Variants in SHLD1 observed in about 807,000 individuals in gnomAD.
SHLD1 encodes the protein RINN1-REV7-interacting novel NHEJ regulator 3.
Under a neutral mutation model 5.5 loss-of-function variants are expected in SHLD1, and 3 were observed. The observed-to-expected ratio is 0.54, with a 90% CI of 0.25 to 1.40. The LOEUF (loss-of-function observed/expected upper bound fraction) is 1.40, where lower values mean the gene tolerates loss of function less well. Ranked by LOEUF, SHLD1 falls within the 40% of genes most tolerant of loss-of-function variation. The pLI is 0.15. For synonymous variants in SHLD1, 92 were observed against 94.3 expected, an observed-to-expected ratio of 0.98 and a Z score of 0.14; for missense variants, 210 against 244.4, an observed-to-expected ratio of 0.86 and a Z score of 0.94.
chr20:5,839,297 C>T (rs1015877671), intron 2 of SHLD1, among the ~76,000 whole-genome samples: 5 of 152,184 alleles, frequency 3.3e-5, no homozygotes, highest in Non-Finnish European at 7.3e-5. Context: ...ACACATTCTC[C>T]TTTGTGGGGA....
intron 2 of SHLD1, among the ~76,000 whole-genome samples, chr20:5,780,579 G>A (rs116851888): frequency 0.027 from 4,068 of 152,244 alleles, 83 homozygotes; most frequent in Middle Eastern, 0.044. Flanking sequence ...TTAGGATATA[G>A]CAAGGACCGC....
chr20:5,758,475 A>G (rs967358358), intron 1 of SHLD1, among the ~76,000 whole-genome samples: 3 of 151,098 alleles, frequency 2.0e-5, no homozygotes, highest in Non-Finnish European at 4.4e-5. Flanking sequence ...CTGGAGTGCA[A>G]TGGCACGATC....
chr20:5,762,273 A>AC (rs1476942564), intron 1 of SHLD1, among the ~76,000 whole-genome samples: 3 of 152,012 alleles, frequency 2.0e-5, no homozygotes, highest in African/African-American at 7.2e-5. Flanking sequence ...TTATTTATTG[A>AC]CACCAGTTTT....
At chr20:5,752,037 C>T (rs1325709411) in intron 1 of SHLD1, among the ~76,000 whole-genome samples, 1 of 152,080 alleles carries the variant, frequency 6.6e-6, no homozygotes, top group Non-Finnish European at 1.5e-5. Flanking sequence ...TTGTGTGGTT[C>T]AAGGTCCTTG....
chr20:5,838,438 G>A (rs2087815205), intron 2 of SHLD1, among the ~76,000 whole-genome samples: 1 of 152,156 alleles, frequency 6.6e-6, no homozygotes, highest in African/African-American at 2.4e-5. Flanking sequence ...ATATTATGTA[G>A]ATAAAAATAA....
intron 2 of SHLD1, among the ~76,000 whole-genome samples, chr20:5,803,300 C>T (rs1218585147): frequency 6.6e-6 from 1 of 152,080 alleles, no homozygotes; most frequent in African/African-American, 2.4e-5. Context: ...GTAGCTGGGA[C>T]TTGAGATGAG....
At chr20:5,822,016 A>T (rs1286954949) in intron 2 of SHLD1, among the ~76,000 whole-genome samples, 2 of 152,186 alleles carry the variant, frequency 1.3e-5, no homozygotes, top group African/African-American at 4.8e-5. Context: ...GAGTGCTAGG[A>T]GGTGAGGAGC....
chr20:5,777,200 G>A (rs1400567718), intron 2 of SHLD1, among the ~76,000 whole-genome samples: 1 of 152,090 alleles, frequency 6.6e-6, no homozygotes, highest in African/African-American at 2.4e-5. Context: ...TGTTGGCAAG[G>A]CTGGTCTTGA....
chr20:5,831,006 AAG>A (rs2087723198), intron 2 of SHLD1, among the ~76,000 whole-genome samples: 3 of 152,284 alleles, frequency 2.0e-5, no homozygotes, highest in East Asian at 3.9e-4. Flanking sequence ...ATTTAATAAA[AAG>A]TAAAAAAAAA....
intron 2 of SHLD1, among the ~76,000 whole-genome samples, chr20:5,823,460 T>A (rs1475201063): frequency 6.6e-6 from 1 of 151,630 alleles, no homozygotes; most frequent in Non-Finnish European, 1.5e-5. Flanking sequence ...TTGTTTTTTT[T>A]TTTTTGAGAT....
intron 2 of SHLD1, among the ~76,000 whole-genome samples, chr20:5,785,284 C>T (rs1307557399): frequency 1.3e-5 from 2 of 152,164 alleles, no homozygotes; most frequent in East Asian, 3.9e-4. Context: ...ATTTCACACA[C>T]GTTGTTCTTT....
intron 2 of SHLD1, among the ~76,000 whole-genome samples, chr20:5,851,890 C>T (rs1467622938): frequency 6.6e-6 from 1 of 151,314 alleles, no homozygotes; most frequent in Non-Finnish European, 1.5e-5. Flanking sequence ...TAGGAAATAT[C>T]CCTGAGTAGT....
intron 2 of SHLD1, among the ~76,000 whole-genome samples, chr20:5,834,958 C>A (rs569455015): frequency 1.3e-5 from 2 of 152,140 alleles, no homozygotes; most frequent in Non-Finnish European, 2.9e-5. Context: ...ACCTAATCAT[C>A]TCCCAATGGC....
At chr20:5,849,659 C>T (rs1267573395) in intron 2 of SHLD1, among the ~76,000 whole-genome samples, 1 of 152,150 alleles carries the variant, frequency 6.6e-6, no homozygotes, top group African/African-American at 2.4e-5. Flanking sequence ...AAAGGGGTGC[C>T]ATTAATAATT....
chr20:5,793,841 G>A (rs2087175187), intron 2 of SHLD1, among the ~76,000 whole-genome samples: 1 of 152,010 alleles, frequency 6.6e-6, no homozygotes, highest in African/African-American at 2.4e-5. Context: ...CTGAGTAGAT[G>A]GGATTATAAG....
At chr20:5,786,723 C>T (rs1254178489) in intron 2 of SHLD1, among the ~76,000 whole-genome samples, 1 of 152,210 alleles carries the variant, frequency 6.6e-6, no homozygotes, top group African/African-American at 2.4e-5. Context: ...TCTAGACAGA[C>T]AGGCCTTGCT....
intron 2 of SHLD1, among the ~76,000 whole-genome samples, chr20:5,816,191 A>G (rs916338604): frequency 6.6e-6 from 1 of 151,826 alleles, no homozygotes; most frequent in African/African-American, 2.4e-5. Flanking sequence ...TGTAAATATT[A>G]TTTTAAAATT....
intron 2 of SHLD1, among the ~76,000 whole-genome samples, chr20:5,781,676 A>G (rs974816672): frequency 3.3e-5 from 5 of 152,116 alleles, no homozygotes; most frequent in African/African-American, 1.2e-4. Context: ...ACAGGGTTTC[A>G]CCATGTTGGC....
At chr20:5,774,680 A>C (rs946025715) in intron 2 of SHLD1, among the ~76,000 whole-genome samples, 3 of 152,058 alleles carry the variant, frequency 2.0e-5, no homozygotes, top group Admixed American at 6.6e-5. Context: ...AAACAACCAG[A>C]TCTCATGGGA....
Sources: gnomAD v4.1 joint callset for allele counts (sites outside exome capture counted in the v4.1 genomes callset) on GRCh38, gnomAD v4.1.1 for gene constraint, MANE v1.5 for transcripts, NCBI Gene and HGNC (gene_info 2026-07-23, HGNC 2026-07-21) for gene names.